The following LCP2 variants were observed in gnomAD, a reference collection of about 807,000 sequenced individuals.
The protein encoded by LCP2 is lymphocyte cytosolic protein 2.
Under a neutral mutation model 74.5 loss-of-function variants are expected in LCP2, and 29 were observed. The ratio of observed to expected loss-of-function variants is 0.39; its 90% CI spans 0.29 to 0.53. LCP2 has a LOEUF of 0.53. LCP2 is among the 20% of genes least tolerant of loss of function. The pLI, the probability that LCP2 is intolerant of heterozygous loss-of-function variation, is 0.72. For synonymous variants in LCP2, 228 were observed against 229.5 expected (o/e 0.99, Z 0.06); for missense variants, 604 against 634.6 (o/e 0.95, Z 0.52).
rs1761329420 is a variant in LCP2, at chr5:170,247,694, G to A, written c.*1003C>T. 2 of 152,204 alleles carry A rather than the reference G, an allele frequency of 1.3e-5. No individual in the cohort carries two copies. The highest frequency in any genetic ancestry group is 4.8e-5 in the African/African-American group (2 of 41,454). 9.4% of individuals were successfully genotyped at this position (152,204 alleles called of 1,614,324 possible). A position where few individuals can be genotyped will look rare whatever the true frequency, so the allele number is the denominator to read the frequency against. On this transcript the variant is annotated 3_prime_UTR_variant, in exon 21 of 21. Transcript: ENST00000046794. ...TATACAGCCTGTTTGGGAAGGATGA[G>A]GAGAAGGGACTTTATGGCAGAGCTG...
In LCP2 at chr5:170,291,089, A is replaced by G. The variant is rs150243799; in HGVS notation, c.141+2221T>C. Among the ~76,000 whole-genome samples the G allele has an allele frequency of 1.6e-3, 249 of 151,372 alleles. 2 individuals carry two copies. The highest frequency in any genetic ancestry group is 5.8e-3 in the African/African-American group (238 of 41,202). ...AAAAGAAAGAGAGGGAGAAGAAAGAAGACAGGGAAGGAAAGGGAAGGGAAA... is the reference window on the plus strand; with the variant it reads ...AAAAGAAAGAGAGGGAGAAGAAAGAGGACAGGGAAGGAAAGGGAAGGGAAA... On this transcript the variant is annotated intron_variant, in intron 2 of 20. Coordinates refer to ENST00000046794, the MANE Select transcript of LCP2 (RefSeq NM_005565.5).
rs879615768 is a variant in LCP2, at chr5:170,295,928, C to T, written c.78+1606G>A. On this transcript the variant is annotated intron_variant, in intron 1 of 20. Transcript: ENST00000046794. Reference sequence around the variant, plus strand: ...CCCCCAGCTCAGGCAGTGAGGTCTTCCTGTACCATCCCTGACCCGTGGTCC... The same window carrying T: ...CCCCCAGCTCAGGCAGTGAGGTCTTTCTGTACCATCCCTGACCCGTGGTCC... Among the ~76,000 whole-genome samples, 622 of 152,296 alleles carry T rather than the reference C, an allele frequency of 4.1e-3. 15 individuals carry two copies. Among genetic ancestry groups the T allele is most frequent in the Admixed American group, 0.036 (555 of 15,302 alleles).
chr5:170,266,936 C>A (rs772253777), intron 9 of LCP2, 45 bp from the exon 10 acceptor site: 4 of 1,559,322 alleles, frequency 2.6e-6, no homozygotes, highest in East Asian at 2.3e-5. Context: ...AGAAAGCAGT[C>A]GGCTGGGGGT....
chr5:170,274,084 A>C (rs1194249726), intron 6 of LCP2: 2 of 575,364 alleles, frequency 3.5e-6, no homozygotes, highest in East Asian at 5.8e-5. Flanking sequence ...TTTGTGCTCC[A>C]GTAGCAGAGT....
At chr5:170,252,684 T>C (rs1761472494) in intron 18 of LCP2, 173 bp from the exon 19 acceptor site, 1 of 556,862 alleles carries the variant, frequency 1.8e-6, no homozygotes, top group African/African-American at 1.9e-5. Context: ...AAATAGAAGA[T>C]ATTTTGTGCG....
intron 2 of LCP2, among the ~76,000 whole-genome samples, chr5:170,290,978 AAGAAAGAAAGAAAGAAAGAAAG>A (rs1424643015): frequency 1.7e-4 from 21 of 124,342 alleles, no homozygotes; most frequent in Admixed American, 1.4e-3. Context: ...GAAAGAAAGA[AAGAAAGAAAGAAAGAAAGAAAG>A]AGAGAAAGAA....
Position 170,297,755 on chromosome 5 carries a change from C to T in LCP2, c.-144G>A. The T allele has an allele frequency of 1.7e-6, 1 of 588,274 alleles. No homozygotes were observed. Among genetic ancestry groups the T allele is most frequent in the Non-Finnish European group, 2.9e-6 (1 of 341,486 alleles). 36.4% of individuals were successfully genotyped at this position (588,274 alleles called of 1,614,324 possible). ...GGAACACCCCTGTTGGAGCCGATGT[C>T]TTTTCTGGCGTAGCCAGATCCCAGA... is the stretch of plus-strand genomic sequence containing the variant. On this transcript the variant is annotated 5_prime_UTR_variant, in exon 1 of 21. Transcript: ENST00000046794.
chr5:170,265,227 T>A (rs1761730992), intron 10 of LCP2, among the ~76,000 whole-genome samples: 1 of 152,140 alleles, frequency 6.6e-6, no homozygotes, highest in Non-Finnish European at 1.5e-5. Flanking sequence ...GACGTTGTGA[T>A]CTGCCCGCCT....
Position 170,260,977 on chromosome 5 carries a change from C to T in LCP2, c.957+130G>A, listed in dbSNP as rs868722145. 47 of 699,772 alleles carry T rather than the reference C, an allele frequency of 6.7e-5. No homozygotes were observed. In the Middle Eastern group the frequency reaches 7.1e-4, roughly 11 times the overall value. The allele number at this position is 699,772 out of a possible 1,614,324, so 43.3% of individuals were successfully genotyped here. The stretch of plus-strand genomic sequence containing the variant: ...GACAGAGGCACCAGCCCTTAAGAGA[C>T]GAGACCCCTGGGTGCAGGACCTGCT... On this transcript the variant is annotated intron_variant, in intron 14 of 20. Coordinates refer to ENST00000046794, the MANE Select transcript of LCP2 (RefSeq NM_005565.5).
chr5:170,275,223 T>A, intron 5 of LCP2, 97 bp downstream of exon 5: 5 of 1,332,976 alleles, frequency 3.8e-6, no homozygotes, highest in Non-Finnish European at 5.4e-6. Context: ...TAAGGTCACC[T>A]GAATGAACTC....
chr5:170,248,988 T>A (rs1761363494), intron 20 of LCP2, among the ~76,000 whole-genome samples, 169 bp from the exon 21 acceptor site: 1 of 152,156 alleles, frequency 6.6e-6, no homozygotes, highest in African/African-American at 2.4e-5. Flanking sequence ...TATAGAACTT[T>A]GAAAAAATTC....
intron 2 of LCP2, 52 bp from the exon 3 acceptor site, chr5:170,288,068 T>C: frequency 6.4e-7 from 1 of 1,561,262 alleles, no homozygotes; most frequent in Admixed American, 1.7e-5. Flanking sequence ...GAAAGGGCTC[T>C]GAGCAGGAGG....
intron 1 of LCP2, among the ~76,000 whole-genome samples, chr5:170,294,769 G>T (rs530706080): frequency 5.3e-5 from 8 of 152,262 alleles, no homozygotes; most frequent in South Asian, 2.1e-4. Flanking sequence ...GGGGGTAAGT[G>T]GTTCTTGGAA....
intron 3 of LCP2, among the ~76,000 whole-genome samples, chr5:170,280,755 C>G (rs1485179843): frequency 6.6e-6 from 1 of 152,160 alleles, no homozygotes; most frequent in Non-Finnish European, 1.5e-5. Context: ...TGCCTGTAAT[C>G]CCAGCACTTT....
intron 3 of LCP2, among the ~76,000 whole-genome samples, chr5:170,276,299 T>G (rs1025429653): frequency 6.6e-6 from 1 of 152,178 alleles, no homozygotes; most frequent in Non-Finnish European, 1.5e-5. Flanking sequence ...CCTAAGAATC[T>G]TCAGACCATC....
chr5:170,270,714 C>T lies in LCP2; in HGVS notation c.523+5G>A. On this transcript the variant is annotated splice_donor_5th_base_variant and intron_variant, in intron 7 of 20. Coordinates refer to ENST00000046794, the MANE Select transcript of LCP2 (RefSeq NM_005565.5). ...GGGCCAGAAAATCCGGAAACGGGCC[C>T]TTACCGATGTACATGGAGTTGGAGT... 1 of 1,567,262 alleles carries T rather than the reference C, an allele frequency of 6.4e-7. No homozygotes were observed. The highest frequency in any genetic ancestry group is 8.6e-7 in the Non-Finnish European group (1 of 1,159,620).
At chr5:170,258,505 T>C (rs1157038803) in intron 15 of LCP2, 5 of 349,292 alleles carry the variant, frequency 1.4e-5, no homozygotes, top group Non-Finnish European at 2.1e-5. Context: ...TTTTGTTTTA[T>C]GAAAGTCAAA....
intron 3 of LCP2, among the ~76,000 whole-genome samples, 200 bp from the exon 4 acceptor site, chr5:170,276,060 T>C (rs1318046024): frequency 6.6e-6 from 1 of 152,152 alleles, no homozygotes. Context: ...GGGCCAGACC[T>C]TCCTCCTGCC....
chr5:170,249,018 C>T (rs1761364189), intron 20 of LCP2, among the ~76,000 whole-genome samples, 199 bp from the exon 21 acceptor site: 1 of 152,068 alleles, frequency 6.6e-6, no homozygotes, highest in Non-Finnish European at 1.5e-5. Context: ...ATCCAACAAA[C>T]CATAGATAAA....
Sources: gnomAD v4.1 joint callset for allele counts (sites outside exome capture counted in the v4.1 genomes callset) on GRCh38, gnomAD v4.1.1 for gene constraint, MANE v1.5 for transcripts, NCBI Gene and HGNC (gene_info 2026-07-23, HGNC 2026-07-21) for gene names.